The following ST6GALNAC3 variants were observed in gnomAD, a reference collection of about 807,000 sequenced individuals.
ST6GALNAC3 encodes the protein ST6 N-acetylgalactosaminide alpha-2,6-sialyltransferase 3, also known as alpha-N-acetylgalactosaminide alpha-2,6-sialyltransferase 3.
In ST6GALNAC3, 25 loss-of-function variants were observed where a neutral mutation model predicts 32.7. The ratio of observed to expected loss-of-function variants is 0.76; its 90% CI spans 0.56 to 1.07. The LOEUF (loss-of-function observed/expected upper bound fraction) is 1.07, where lower values mean the gene tolerates loss of function less well. ST6GALNAC3 is among the 50% of genes least tolerant of loss of function. ST6GALNAC3 has a pLI of 0.00. For missense variants in ST6GALNAC3, 355 were observed against 382.4 expected (o/e 0.93, Z 0.60); for synonymous variants, 129 against 133.1 (o/e 0.97, Z 0.21).
intron 3 of ST6GALNAC3, among the ~76,000 whole-genome samples, chr1:76,483,453 A>C (rs1204146335): frequency 3.3e-5 from 5 of 151,960 alleles, no homozygotes; most frequent in Non-Finnish European, 5.9e-5. Flanking sequence ...TGTGGCTTTG[A>C]TTTACATTTC....
intron 3 of ST6GALNAC3, among the ~76,000 whole-genome samples, chr1:76,522,050 C>G (rs1662572857): frequency 6.7e-6 from 1 of 149,504 alleles, no homozygotes; most frequent in African/African-American, 2.5e-5. Flanking sequence ...GCACTCCAGC[C>G]TGGGTGCCTG....
At chr1:76,103,109 T>G (rs77110680) in intron 1 of ST6GALNAC3, among the ~76,000 whole-genome samples, 3,600 of 151,370 alleles carry the variant, frequency 0.024, 94 homozygotes, top group Admixed American at 0.07. Flanking sequence ...ATTTTTAGTT[T>G]TTTTTTTTTT....
At chr1:76,418,463 T>C (rs1292774555) in intron 3 of ST6GALNAC3, among the ~76,000 whole-genome samples, 1 of 152,096 alleles carries the variant, frequency 6.6e-6, no homozygotes, top group Non-Finnish European at 1.5e-5. Flanking sequence ...GAAATGTGCA[T>C]AGTTTGCCCG....
chr1:76,136,678 C>T (rs1299273117), intron 1 of ST6GALNAC3, among the ~76,000 whole-genome samples: 3 of 152,190 alleles, frequency 2.0e-5, no homozygotes, highest in Non-Finnish European at 4.4e-5. Flanking sequence ...CATTTGACCC[C>T]GAAATCATAT....
chr1:76,278,347 G>T (rs1004469332), intron 1 of ST6GALNAC3, among the ~76,000 whole-genome samples: 2 of 150,816 alleles, frequency 1.3e-5, no homozygotes, highest in African/African-American at 4.9e-5. Context: ...TCAGCCTCCC[G>T]AGTAGCTGGG....
intron 1 of ST6GALNAC3, among the ~76,000 whole-genome samples, chr1:76,097,186 TG>T (rs938521918): frequency 3.9e-5 from 6 of 152,236 alleles, no homozygotes; most frequent in African/African-American, 1.4e-4. Context: ...CCCAAAGTGC[TG>T]GGATTACAGG....
At chr1:76,211,525 T>C (rs1655157956) in intron 1 of ST6GALNAC3, among the ~76,000 whole-genome samples, 1 of 152,206 alleles carries the variant, frequency 6.6e-6, no homozygotes. Context: ...AGCAAAGACT[T>C]GGACCCAAGT....
chr1:76,376,430 A>G (rs1037975851), intron 2 of ST6GALNAC3, among the ~76,000 whole-genome samples: 1 of 151,922 alleles, frequency 6.6e-6, no homozygotes, highest in African/African-American at 2.4e-5. Flanking sequence ...AGGATATCTC[A>G]TGCTACCCCT....
chr1:76,420,066 A>G (rs1370515951), intron 3 of ST6GALNAC3, among the ~76,000 whole-genome samples: 1 of 151,866 alleles, frequency 6.6e-6, no homozygotes, highest in Non-Finnish European at 1.5e-5. Flanking sequence ...GAAAAACCCC[A>G]TAGCTCCTTT....
chr1:76,251,093 C>G (rs927556127), intron 1 of ST6GALNAC3, among the ~76,000 whole-genome samples: 8 of 151,308 alleles, frequency 5.3e-5, no homozygotes, highest in Admixed American at 4.6e-4. Context: ...TTCTCCTACC[C>G]TTTTTTTTTA....
chr1:76,559,104 C>G (rs755745986), intron 3 of ST6GALNAC3, among the ~76,000 whole-genome samples: 1 of 151,820 alleles, frequency 6.6e-6, no homozygotes, highest in Non-Finnish European at 1.5e-5. Flanking sequence ...TCCTTTTTCT[C>G]TCTTTACTTG....
At chr1:76,512,115 A>G (rs1661898769) in intron 3 of ST6GALNAC3, among the ~76,000 whole-genome samples, 1 of 152,336 alleles carries the variant, frequency 6.6e-6, no homozygotes, top group African/African-American at 2.4e-5. Context: ...CTGTGCTCCC[A>G]TAACATAATT....
chr1:76,597,044 A>G (rs1261775509), intron 3 of ST6GALNAC3, among the ~76,000 whole-genome samples: 2 of 152,198 alleles, frequency 1.3e-5, no homozygotes, highest in African/African-American at 2.4e-5. Context: ...AAGAAAATCC[A>G]TAGTTTAGTC....
In ST6GALNAC3 at chr1:76,221,033, C is replaced by CAATGCAGCCT. The variant is rs149232452; in HGVS notation, c.19-92771_19-92762dup. On this transcript the variant is annotated intron_variant, in intron 1 of 4. Coordinates refer to ENST00000328299, the MANE Select transcript of ST6GALNAC3 (RefSeq NM_152996.4). ...ATGGCCAGATTGGCTTTGGAGCAATCAATGCAGCCTGGTGCAGCCTGGAGA... is the reference window on the plus strand; with the variant it reads ...ATGGCCAGATTGGCTTTGGAGCAATCAATGCAGCCTAATGCAGCCTGGTGCAGCCTGGAGA... Among the ~76,000 whole-genome samples the CAATGCAGCCT allele has an allele frequency of 9.4e-3, 1,425 of 152,148 alleles. 16 individuals are homozygous for CAATGCAGCCT. The highest frequency in any genetic ancestry group is 0.011 in the Non-Finnish European group (733 of 68,012).
intron 3 of ST6GALNAC3, among the ~76,000 whole-genome samples, chr1:76,548,533 G>T (rs1664431466): frequency 6.6e-6 from 1 of 152,166 alleles, no homozygotes; most frequent in African/African-American, 2.4e-5. Context: ...GACATAGCAG[G>T]AGTTAAGGGA....
At chr1:76,108,115 G>A (rs1346848144) in intron 1 of ST6GALNAC3, among the ~76,000 whole-genome samples, 1 of 152,176 alleles carries the variant, frequency 6.6e-6, no homozygotes, top group Non-Finnish European at 1.5e-5. Flanking sequence ...TGTAATAATG[G>A]TCTGGCACCA....
chr1:76,555,962 C>T (rs542808912), intron 3 of ST6GALNAC3, among the ~76,000 whole-genome samples: 209 of 152,122 alleles, frequency 1.4e-3, no homozygotes, highest in African/African-American at 4.8e-3. Context: ...GTGCAACCAT[C>T]ACTGCAACCA....
chr1:76,197,102 C>A (rs1447288232), intron 1 of ST6GALNAC3, among the ~76,000 whole-genome samples: 1 of 152,214 alleles, frequency 6.6e-6, no homozygotes, highest in Non-Finnish European at 1.5e-5. Flanking sequence ...CTCACCTGAA[C>A]AATTTTCACT....
intron 1 of ST6GALNAC3, among the ~76,000 whole-genome samples, chr1:76,092,916 T>C (rs1451925782): frequency 6.6e-6 from 1 of 152,208 alleles, no homozygotes; most frequent in Admixed American, 6.5e-5. Flanking sequence ...CTGCTTCCCA[T>C]ATTCCCATGT....
Sources: gnomAD v4.1 joint callset for allele counts (sites outside exome capture counted in the v4.1 genomes callset) on GRCh38, gnomAD v4.1.1 for gene constraint, MANE v1.5 for transcripts, NCBI Gene and HGNC (gene_info 2026-07-23, HGNC 2026-07-21) for gene names.